NYAP2: variants seen among roughly 807,000 people sequenced by gnomAD.
NYAP2 encodes the protein neuronal tyrosine-phosphorylated phosphoinositide-3-kinase adapter 2.
NYAP2 carries 23 observed loss-of-function variants against 50.4 expected under a neutral mutation model. That is an observed-to-expected ratio of 0.46 (90% CI 0.33 to 0.65). The LOEUF (loss-of-function observed/expected upper bound fraction) is 0.65, where lower values mean the gene tolerates loss of function less well. NYAP2 is among the 30% of genes least tolerant of loss of function. The pLI is 0.02. For missense variants in NYAP2, 885 were observed against 861.0 expected (o/e 1.03, Z -0.35); for synonymous variants, 394 against 365.2 (o/e 1.08, Z -0.90).
chr2:225,511,899 G>T (rs1288471749), intron 3 of NYAP2, among the ~76,000 whole-genome samples: 5 of 152,154 alleles, frequency 3.3e-5, no homozygotes, highest in African/African-American at 1.2e-4. Flanking sequence ...ACATGTCTGG[G>T]AAGGTAGACT....
intron 5 of NYAP2, among the ~76,000 whole-genome samples, chr2:225,615,069 T>C (rs996034315): frequency 5.9e-5 from 9 of 152,170 alleles, no homozygotes; most frequent in African/African-American, 1.9e-4. Flanking sequence ...TATAGGACAT[T>C]TGATGCCCAG....
At chr2:225,446,216 G>GTCTGTCTCTCTC (rs1422980177) in intron 3 of NYAP2, among the ~76,000 whole-genome samples, 10 of 69,656 alleles carry the variant, frequency 1.4e-4, no homozygotes, top group South Asian at 1.1e-3. Context: ...CTGTCTGTCT[G>GTCTGTCTCTCTC]TCTCTCTCTC....
intron 3 of NYAP2, among the ~76,000 whole-genome samples, chr2:225,464,193 G>A (rs554847769): frequency 1.3e-5 from 2 of 152,204 alleles, no homozygotes; most frequent in Non-Finnish European, 2.9e-5. Flanking sequence ...AATGCAGGAT[G>A]ATTCTGACAG....
At chr2:225,505,451 TA>T (rs768528232) in intron 3 of NYAP2, among the ~76,000 whole-genome samples, 1 of 152,204 alleles carries the variant, frequency 6.6e-6, no homozygotes, top group African/African-American at 2.4e-5. Context: ...AGTTTAATTT[TA>T]CTGAAGCCAA....
In NYAP2 at chr2:225,413,324, A is replaced by T. The variant is rs79655954; in HGVS notation, c.221+4223A>T. On this transcript the variant is annotated intron_variant, in intron 3 of 6. Transcript: ENST00000636099. The stretch of plus-strand genomic sequence containing the variant: ...CCAAAAAAATAAATAATAAACAAAT[A>T]AAAAATAGGACAGGAGGAGGAGGCT... Among the ~76,000 whole-genome samples the T allele has an allele frequency of 9.5e-3, 1,447 of 152,218 alleles. 8 individuals carry two copies. Among genetic ancestry groups the T allele is most frequent in the Non-Finnish European group, 0.016 (1,055 of 68,006 alleles).
rs1692275796 is a variant in NYAP2 at position 225,581,925 on chromosome 2, T to A, written c.524-16T>A. 1.3e-6 allele frequency: 2 copies of A among 1,581,754 alleles called. No homozygotes were observed. Among genetic ancestry groups the A allele is most frequent in the African/African-American group, 2.7e-5 (2 of 73,468 alleles). Reference sequence around the variant, plus strand: ...TATTATACTCATCTATTCCACTACGTTTTTTCTTCTTTTAGCGTCAGCTAA... The same window carrying A: ...TATTATACTCATCTATTCCACTACGATTTTTCTTCTTTTAGCGTCAGCTAA... On this transcript the variant is annotated splice_polypyrimidine_tract_variant and intron_variant, in intron 4 of 6. Transcript: ENST00000636099.
chr2:225,530,163 G>C (rs1322339172), intron 4 of NYAP2, among the ~76,000 whole-genome samples: 2 of 152,132 alleles, frequency 1.3e-5, no homozygotes, highest in African/African-American at 2.4e-5. Context: ...CCATCTCATA[G>C]ATTTAATAGT....
chr2:225,630,834 A>G (rs1200798315), intron 6 of NYAP2, among the ~76,000 whole-genome samples: 1 of 152,218 alleles, frequency 6.6e-6, no homozygotes, highest in Non-Finnish European at 1.5e-5. Context: ...ATTTACTGAG[A>G]TAGAGACTGT....
intron 4 of NYAP2, among the ~76,000 whole-genome samples, chr2:225,526,737 A>G (rs773464589): frequency 4.6e-5 from 7 of 152,210 alleles, no homozygotes; most frequent in Non-Finnish European, 1.0e-4. Context: ...TTAGCACTAT[A>G]CTAATAAAGC....
At chr2:225,537,599 C>G (rs1437899389) in intron 4 of NYAP2, among the ~76,000 whole-genome samples, 1 of 152,130 alleles carries the variant, frequency 6.6e-6, no homozygotes, top group Non-Finnish European at 1.5e-5. Flanking sequence ...TCAATTACCT[C>G]CCACCTGGTC....
the NYAP2 span, among the ~76,000 whole-genome samples, chr2:225,673,064 G>A: frequency 6.6e-6 from 1 of 152,120 alleles, no homozygotes; most frequent in Admixed American, 6.6e-5. Context: ...GGCTGAGGAG[G>A]CCTCACAATC....
intron 3 of NYAP2, among the ~76,000 whole-genome samples, chr2:225,482,535 A>G (rs1690224021): frequency 6.6e-6 from 1 of 152,188 alleles, no homozygotes; most frequent in Non-Finnish European, 1.5e-5. Flanking sequence ...ATGATGGGTC[A>G]CTTCAATAGA....
intron 4 of NYAP2, among the ~76,000 whole-genome samples, chr2:225,569,618 A>G (rs188178614): frequency 6.6e-6 from 1 of 152,324 alleles, no homozygotes; most frequent in Non-Finnish European, 1.5e-5. Flanking sequence ...GGCCCTTCCA[A>G]GTGGCAGGAA....
chr2:225,424,394 CACA>C (rs1290422787), intron 3 of NYAP2, among the ~76,000 whole-genome samples: 2 of 152,014 alleles, frequency 1.3e-5, no homozygotes, highest in African/African-American at 4.8e-5. Context: ...AGTAATGTAG[CACA>C]ACACTTCTAA....
intron 3 of NYAP2, among the ~76,000 whole-genome samples, chr2:225,421,523 T>G (rs1273334028): frequency 6.6e-6 from 1 of 152,224 alleles, no homozygotes; most frequent in Non-Finnish European, 1.5e-5. Context: ...TCAGAGCACA[T>G]GAAGACTCTT....
the NYAP2 span, among the ~76,000 whole-genome samples, chr2:225,696,578 T>C: frequency 2.0e-5 from 3 of 151,912 alleles, no homozygotes; most frequent in South Asian, 4.1e-4. Context: ...CCTAAATGAT[T>C]AGGAATTGTG....
At chr2:225,618,583 C>T (rs1348534234) in intron 5 of NYAP2, among the ~76,000 whole-genome samples, 1 of 152,178 alleles carries the variant, frequency 6.6e-6, no homozygotes, top group Non-Finnish European at 1.5e-5. Flanking sequence ...TAAGTATTCC[C>T]AAACAAGAAG....
At chr2:225,593,719 T>C (rs1331164171) in intron 5 of NYAP2, among the ~76,000 whole-genome samples, 1 of 152,220 alleles carries the variant, frequency 6.6e-6, no homozygotes, top group Admixed American at 6.5e-5. Context: ...CAATACAATC[T>C]TTCCCCAAGT....
intron 5 of NYAP2, among the ~76,000 whole-genome samples, chr2:225,603,410 A>G (rs1293568364): frequency 6.6e-6 from 1 of 152,182 alleles, no homozygotes; most frequent in Non-Finnish European, 1.5e-5. Context: ...TATTTTTAAC[A>G]AAGTTGTAGG....
Sources: allele counts gnomAD v4.1 joint callset (sites outside exome capture counted in the v4.1 genomes callset), GRCh38; gene constraint gnomAD v4.1.1; transcripts MANE v1.5; gene names NCBI Gene and HGNC (gene_info 2026-07-23, HGNC 2026-07-21).